Variants in CD46 observed in about 807,000 individuals in gnomAD.
CD46 encodes membrane cofactor protein.
Under a neutral mutation model 53.3 loss-of-function variants are expected in CD46, and 30 were observed. The ratio of observed to expected loss-of-function variants is 0.56; its 90% CI spans 0.42 to 0.76. The LOEUF is 0.76. CD46 is among the 30% of genes least tolerant of loss of function. CD46 has a pLI of 0.00. For missense variants in CD46, 409 were observed against 463.0 expected (o/e 0.88, Z 1.07); for synonymous variants, 142 against 152.0 (o/e 0.93, Z 0.48).
intron 4 of CD46, chr1:207,760,515 A>G (rs1278870409): frequency 1.3e-5 from 2 of 152,208 alleles, no homozygotes; most frequent in African/African-American, 2.4e-5. Flanking sequence ...AGTTAAGCAT[A>G]TTTTCTCATT....
At chr1:207,786,002 T>C (rs568035694) in intron 11 of CD46, 1 of 234,008 alleles carries the variant, frequency 4.3e-6, no homozygotes, top group East Asian at 1.0e-4. Context: ...CCCTATTCCC[T>C]ATTTCCAAAA....
At chr1:207,768,241 T>G (rs143690738) in intron 7 of CD46, 54 of 188,938 alleles carry the variant, frequency 2.9e-4, no homozygotes, top group African/African-American at 1.2e-3. Context: ...GGAAGGTTCA[T>G]GTATGTTTGT....
rs1656180043 is a variant in CD46 at position 207,761,310 on chromosome 1, A to G, written c.537A>G (p.Glu179=). ...GAAAACACACCTTTAGTGAAGTAGA[A>G]GTATTTGAGTATCTTGATGCAGTAA... The part of the protein sequence containing the change: ...KNGKHTFSEV[E]VFEYLDAVTY... The change falls in exon 5 of 13, where the codon GAA becomes GAG. Residue 179 remains glutamate, a synonymous_variant. Transcript: ENST00000367042. 1.9e-6 allele frequency: 3 copies of G among 1,613,114 alleles called. No individual in the cohort carries two copies. The highest frequency in any genetic ancestry group is 2.5e-6 in the Non-Finnish European group (3 of 1,179,180).
chr1:207,758,862 C>A (rs180992260), intron 3 of CD46, among the ~76,000 whole-genome samples: 1 of 152,106 alleles, frequency 6.6e-6, no homozygotes, highest in Admixed American at 6.6e-5. Flanking sequence ...GAAGTTCTAA[C>A]CTTATTGAGA....
intron 6 of CD46, chr1:207,767,401 T>C (rs547856699): frequency 1.4e-6 from 1 of 705,968 alleles, no homozygotes; most frequent in East Asian, 2.7e-5. Flanking sequence ...TTTTTGTGCT[T>C]TTCCAGGGTT....
chr1:207,767,087 G>A lies in CD46; in HGVS notation c.748G>A (p.Ala250Thr), dbSNP rs1484306120. The change falls in exon 6 of 13, where the codon GCA becomes ACA. Residue 250 changes from alanine (A) to threonine (T), a missense_variant. Ala to Thr is a moderately conservative substitution (Grantham distance 58). Transcript: ENST00000367042. ...SGFGKKFYYK[A>T]TVMFECDKGF... is the part of the protein sequence containing the mutation. ...ATTTGGAAAAAAATTTTACTACAAA[G>A]CAACAGTTATGTTTGAATGCGATAA... The A allele has an allele frequency of 6.2e-7, 1 of 1,613,716 alleles. No homozygotes were observed. Among genetic ancestry groups the A allele is most frequent in the Non-Finnish European group, 8.5e-7 (1 of 1,179,660 alleles).
At chr1:207,777,558 A>G (rs571387968) in intron 8 of CD46, among the ~76,000 whole-genome samples, 1 of 152,252 alleles carries the variant, frequency 6.6e-6, no homozygotes, top group African/African-American at 2.4e-5. Context: ...CTTACCATTT[A>G]GCCCCCACTT....
intron 1 of CD46, among the ~76,000 whole-genome samples, chr1:207,753,699 C>A (rs1473296358): frequency 1.3e-5 from 2 of 151,982 alleles, no homozygotes; most frequent in Non-Finnish European, 2.9e-5. Context: ...AAAAAAAACC[C>A]GCTAAGAAAT....
chr1:207,759,607 A>G (rs1558047549), intron 3 of CD46, 32 bp from the exon 4 acceptor site: 2 of 1,200,566 alleles, frequency 1.7e-6, no homozygotes, highest in Non-Finnish European at 2.5e-6. Flanking sequence ...TAATTGCTAT[A>G]CAAAACAGTA....
chr1:207,757,997 T>G (rs549228271), intron 3 of CD46, among the ~76,000 whole-genome samples: 5 of 152,282 alleles, frequency 3.3e-5, no homozygotes, highest in African/African-American at 1.2e-4. Flanking sequence ...AATTGCCAAC[T>G]AAAGATACAC....
intron 8 of CD46, among the ~76,000 whole-genome samples, chr1:207,778,576 G>T (rs1658369535): frequency 6.6e-6 from 1 of 152,162 alleles, no homozygotes; most frequent in African/African-American, 2.4e-5. Flanking sequence ...TGTCAGTTCT[G>T]TGGAAGATCA....
intron 12 of CD46, among the ~76,000 whole-genome samples, chr1:207,792,980 CTT>C (rs1659941139): frequency 6.6e-6 from 1 of 152,158 alleles, no homozygotes. Flanking sequence ...CATCATCTGT[CTT>C]TGGCCAGCAC....
chr1:207,777,203 T>G (rs1658210724), intron 8 of CD46, among the ~76,000 whole-genome samples: 1 of 152,196 alleles, frequency 6.6e-6, no homozygotes, highest in Non-Finnish European at 1.5e-5. Flanking sequence ...GAATATACTT[T>G]TGTAGAATTT....
chr1:207,759,855 T>C, intron 4 of CD46, 131 bp downstream of exon 4: 2 of 616,838 alleles, frequency 3.2e-6, no homozygotes, highest in Non-Finnish European at 5.8e-6. Context: ...TATCTATTGG[T>C]ATTTATCATA....
intron 6 of CD46, chr1:207,767,476 TACA>T (rs1656989072): frequency 1.2e-6 from 1 of 852,328 alleles, no homozygotes; most frequent in Non-Finnish European, 2.0e-6. Context: ...AAAAGTGAAT[TACA>T]ACAACTTTTT....
intron 8 of CD46, among the ~76,000 whole-genome samples, chr1:207,775,773 G>T (rs1658032748): frequency 6.6e-6 from 1 of 152,204 alleles, no homozygotes; most frequent in Non-Finnish European, 1.5e-5. Flanking sequence ...TGTTTGAGGT[G>T]TTTGTCGGCC....
At chr1:207,778,731 C>A (rs1014567801) in intron 8 of CD46, among the ~76,000 whole-genome samples, 1 of 152,130 alleles carries the variant, frequency 6.6e-6, no homozygotes, top group Non-Finnish European at 1.5e-5. Context: ...ATGCCTCCAG[C>A]TTTGTTCTTT....
rs1660003536 is a variant in CD46 at position 207,793,599 on chromosome 1, C to T, written c.*122C>T. 3.7e-6 allele frequency: 6 copies of T among 1,611,712 alleles called. No homozygotes were observed. The highest frequency in any genetic ancestry group is 1.7e-5 in the Admixed American group (1 of 59,986). ...GCAGAGCAGAGAGGCTGAATAGATT[C>T]CACAACCTGGTTTGCCAGTTCATCT... is the stretch of plus-strand genomic sequence containing the variant. On this transcript the variant is annotated 3_prime_UTR_variant, in exon 13 of 13. Transcript: ENST00000367042.
chr1:207,767,656 A>G (rs969703571), intron 6 of CD46, 123 bp from the exon 7 acceptor site: 3 of 1,611,798 alleles, frequency 1.9e-6, no homozygotes, highest in African/African-American at 2.7e-5. Flanking sequence ...ATTCAGGTTT[A>G]GTAGCTTCTT....
Sources: allele counts gnomAD v4.1 joint callset (sites outside exome capture counted in the v4.1 genomes callset), GRCh38; gene constraint gnomAD v4.1.1; transcripts MANE v1.5; gene names NCBI Gene and HGNC (gene_info 2026-07-23, HGNC 2026-07-21).